The following SNX29 variants were observed in gnomAD, a reference collection of about 807,000 sequenced individuals.
The protein encoded by SNX29 is sorting nexin 29.
SNX29 carries 78 observed loss-of-function variants against 102.1 expected under a neutral mutation model. The ratio of observed to expected loss-of-function variants is 0.76; its 90% CI spans 0.64 to 0.92. SNX29 has a LOEUF of 0.92. Among genes scored for constraint, SNX29 ranks in the 40% least tolerant of loss-of-function variants. The pLI, the probability that SNX29 is intolerant of heterozygous loss-of-function variation, is 0.00. For synonymous variants in SNX29, 580 were observed against 414.5 expected, an observed-to-expected ratio of 1.40 and a Z score of -4.85; for missense variants, 1,280 against 1,061.7, an observed-to-expected ratio of 1.21 and a Z score of -2.86.
At chr16:12,206,804 G>C (rs1381298934) in intron 14 of SNX29, among the ~76,000 whole-genome samples, 1 of 141,776 alleles carries the variant, frequency 7.1e-6, no homozygotes, top group African/African-American at 2.5e-5. Context: ...TCAGTAGTGG[G>C]AATGAGGTGG....
intron 18 of SNX29, among the ~76,000 whole-genome samples, chr16:12,403,771 T>C (rs2084055731): frequency 6.6e-6 from 1 of 152,214 alleles, no homozygotes; most frequent in South Asian, 2.1e-4. Context: ...CTGTGGAATC[T>C]CAGCTCAGAC....
At chr16:12,491,933 T>C (rs2088569945) in intron 19 of SNX29, among the ~76,000 whole-genome samples, 1 of 152,244 alleles carries the variant, frequency 6.6e-6, no homozygotes, top group Admixed American at 6.5e-5. Flanking sequence ...CTATCGTTGT[T>C]GGACATTCGG....
intron 18 of SNX29, among the ~76,000 whole-genome samples, chr16:12,448,204 C>T (rs1369805941): frequency 6.6e-6 from 1 of 152,184 alleles, no homozygotes; most frequent in Non-Finnish European, 1.5e-5. Context: ...CCAAGGCTTG[C>T]GTCCGGGTCT....
At chr16:12,279,613 T>C (rs538836869) in intron 15 of SNX29, among the ~76,000 whole-genome samples, 11 of 152,172 alleles carry the variant, frequency 7.2e-5, no homozygotes, top group Non-Finnish European at 7.4e-5. Context: ...AAGTCCCAAG[T>C]GGAGAGGGAA....
At chr16:12,057,483 G>T (rs2050567149) in intron 8 of SNX29, among the ~76,000 whole-genome samples, 2 of 152,156 alleles carry the variant, frequency 1.3e-5, no homozygotes, top group South Asian at 4.1e-4. Context: ...ATGGGGGAAA[G>T]CAGTTTGACA....
At position 12,572,296 on chromosome 16, in the gene SNX29, G is replaced by A. The variant is rs753830352; in HGVS notation, c.*3667G>A. 1.2e-4 allele frequency: 113 copies of A among 950,176 alleles called. No homozygotes were observed. Among genetic ancestry groups the A allele is most frequent in the Non-Finnish European group, 1.3e-4 (111 of 831,388 alleles). The allele number at this position is 950,176 out of a possible 1,614,324, so 58.9% of individuals were successfully genotyped here. ...GCAACTAACAAGTACTGGGGCCAGT[G>A]ATCACAATCCAGGTTGGAAACAGGA... On this transcript the variant is annotated 3_prime_UTR_variant, in exon 21 of 21. Transcript: ENST00000566228.
chr16:12,141,388 C>T lies in SNX29; in HGVS notation c.1595+11630C>T, dbSNP rs116858030. The stretch of plus-strand genomic sequence containing the variant: ...ATGGAAAGGGGTCTTGATTCAGATC[C>T]CAAGAGAGGGTTGTTGGATCTTGTG... On this transcript the variant is annotated intron_variant, in intron 13 of 20. Transcript: ENST00000566228. Among the ~76,000 whole-genome samples, 1,433 of 152,212 alleles carry T rather than the reference C, an allele frequency of 9.4e-3. 10 individuals are homozygous for T. Among genetic ancestry groups the T allele is most frequent in the Non-Finnish European group, 0.015 (1,004 of 68,004 alleles).
chr16:12,425,061 G>C (rs77212464), intron 18 of SNX29, among the ~76,000 whole-genome samples: 1,787 of 152,330 alleles, frequency 0.012, 40 homozygotes, highest in African/African-American at 0.04. Context: ...ACAATGTTGA[G>C]TGAAAGAAAC....
intron 19 of SNX29, among the ~76,000 whole-genome samples, chr16:12,515,945 C>G (rs1042378478): frequency 6.6e-6 from 1 of 152,088 alleles, no homozygotes; most frequent in Non-Finnish European, 1.5e-5. Flanking sequence ...GGCAGCCCCT[C>G]CTTTCTCCAC....
intron 17 of SNX29, among the ~76,000 whole-genome samples, chr16:12,400,268 A>C (rs940505148): frequency 2.6e-5 from 4 of 152,180 alleles, no homozygotes; most frequent in Admixed American, 6.5e-5. Flanking sequence ...TCCCTGCACC[A>C]GCCATCCTGG....
chr16:12,527,048 A>G, intron 20 of SNX29: 1 of 416,380 alleles, frequency 2.4e-6, no homozygotes, highest in African/African-American at 2.0e-5. Context: ...TGACACTGGA[A>G]TTTTGACTAC....
intron 18 of SNX29, among the ~76,000 whole-genome samples, chr16:12,424,273 C>T (rs1371523413): frequency 6.6e-6 from 1 of 152,170 alleles, no homozygotes; most frequent in Non-Finnish European, 1.5e-5. Flanking sequence ...TTGCCCAAGG[C>T]CAGAGTCTTT....
At chr16:12,249,374 G>A (rs7198130) in intron 14 of SNX29, among the ~76,000 whole-genome samples, 6,090 of 152,308 alleles carry the variant, frequency 0.04, 436 homozygotes, top group African/African-American at 0.14. Context: ...GGAACATCCT[G>A]AAAGACAAGC....
intron 11 of SNX29, among the ~76,000 whole-genome samples, chr16:12,097,108 T>C (rs1212882878): frequency 1.3e-5 from 2 of 152,166 alleles, no homozygotes; most frequent in East Asian, 1.9e-4. Flanking sequence ...CTTGAGGAGC[T>C]GTTGTCGCCA....
chr16:12,487,552 G>A (rs570928660), intron 19 of SNX29, among the ~76,000 whole-genome samples: 2 of 152,066 alleles, frequency 1.3e-5, no homozygotes, highest in East Asian at 1.9e-4. Flanking sequence ...AAATGCCGCC[G>A]CACCACCCAG....
At chr16:11,997,091 A>G (rs2056101287) in intron 1 of SNX29, among the ~76,000 whole-genome samples, 1 of 152,126 alleles carries the variant, frequency 6.6e-6, no homozygotes, top group Non-Finnish European at 1.5e-5. Flanking sequence ...TTCAAATTTC[A>G]ACAGTCTAAC....
At chr16:12,129,261 G>A (rs2054350302) in intron 12 of SNX29, among the ~76,000 whole-genome samples, 1 of 152,200 alleles carries the variant, frequency 6.6e-6, no homozygotes, top group Non-Finnish European at 1.5e-5. Context: ...CTGACCTGGT[G>A]TAGCTGTGAC....
chr16:12,301,548 G>C (rs572940272), intron 15 of SNX29, among the ~76,000 whole-genome samples: 5 of 152,354 alleles, frequency 3.3e-5, no homozygotes, highest in Admixed American at 3.3e-4. Context: ...CCTTCTGTCT[G>C]ACTAATCCAT....
chr16:12,420,402 AG>A (rs1389184603), intron 18 of SNX29, among the ~76,000 whole-genome samples: 1 of 152,168 alleles, frequency 6.6e-6, no homozygotes, highest in African/African-American at 2.4e-5. Context: ...CAGTAAAATC[AG>A]GGTGTTTCAT....
Sources: gnomAD v4.1 joint callset for allele counts (sites outside exome capture counted in the v4.1 genomes callset) on GRCh38, gnomAD v4.1.1 for gene constraint, MANE v1.5 for transcripts, NCBI Gene and HGNC (gene_info 2026-07-23, HGNC 2026-07-21) for gene names.